Variants in DGKI observed in about 807,000 individuals in gnomAD.
The protein encoded by DGKI is diacylglycerol kinase iota, also known as DAG kinase iota.
DGKI carries 55 observed loss-of-function variants against 147.5 expected under a neutral mutation model. The observed-to-expected ratio is 0.37, with a 90% CI of 0.30 to 0.47. The LOEUF (loss-of-function observed/expected upper bound fraction) is 0.47. Among genes scored for constraint, DGKI ranks in the 20% least tolerant of loss-of-function variants. DGKI has a pLI of 1.00. For synonymous variants in DGKI, 469 were observed against 477.1 expected (o/e 0.98, Z 0.22); for missense variants, 1,007 against 1,323.8 (o/e 0.76, Z 3.71).
chr7:137,735,540 C>T (rs1012788738), intron 1 of DGKI, among the ~76,000 whole-genome samples: 5 of 135,802 alleles, frequency 3.7e-5, no homozygotes, highest in East Asian at 4.2e-4. Flanking sequence ...ATGAGGTAGA[C>T]GGGTTTTTTC....
At chr7:137,460,452 G>A (rs184080360) in intron 27 of DGKI, among the ~76,000 whole-genome samples, 2 of 152,300 alleles carry the variant, frequency 1.3e-5, no homozygotes, top group African/African-American at 4.8e-5. Context: ...ACAATGCTGA[G>A]TGAAATGGCA....
At chr7:137,785,462 G>A (rs866666300) in intron 1 of DGKI, among the ~76,000 whole-genome samples, 2 of 151,732 alleles carry the variant, frequency 1.3e-5, no homozygotes, top group Non-Finnish European at 2.9e-5. Flanking sequence ...AACAAGCAGC[G>A]TGATTGAAAT....
chr7:137,768,206 C>A (rs1236194044), intron 1 of DGKI, among the ~76,000 whole-genome samples: 1 of 152,012 alleles, frequency 6.6e-6, no homozygotes, highest in African/African-American at 2.4e-5. Flanking sequence ...CTTGGCAAAA[C>A]CAAAATTACT....
At chr7:137,404,807 T>C (rs1055922339) in intron 30 of DGKI, among the ~76,000 whole-genome samples, 1 of 140,176 alleles carries the variant, frequency 7.1e-6, no homozygotes, top group Admixed American at 7.4e-5. Flanking sequence ...GTCCTTCCAT[T>C]TGGGCGGAGT....
intron 1 of DGKI, among the ~76,000 whole-genome samples, chr7:137,751,357 G>A (rs539508221): frequency 6.6e-6 from 1 of 152,236 alleles, no homozygotes; most frequent in Non-Finnish European, 1.5e-5. Flanking sequence ...TCCTCCTATT[G>A]GGCAGTTAAC....
chr7:137,609,135 T>C (rs1585281883), intron 9 of DGKI, 71 bp from the exon 10 acceptor site: 2 of 1,184,942 alleles, frequency 1.7e-6, no homozygotes, highest in Non-Finnish European at 2.5e-6. Flanking sequence ...GCAAGGGAGG[T>C]GGAAAACCAC....
intron 10 of DGKI, 148 bp downstream of exon 10, chr7:137,608,818 C>T: frequency 1.5e-6 from 1 of 647,672 alleles, no homozygotes; most frequent in South Asian, 2.0e-5. Flanking sequence ...ATGTGTAAAG[C>T]TATCAGAGAA....
At chr7:137,771,176 C>T (rs570923657) in intron 1 of DGKI, among the ~76,000 whole-genome samples, 2 of 152,234 alleles carry the variant, frequency 1.3e-5, no homozygotes, top group African/African-American at 4.8e-5. Context: ...CTGCAACCTC[C>T]ACCTCCCGGG....
At chr7:137,636,746 G>C (rs1214309429) in intron 6 of DGKI, among the ~76,000 whole-genome samples, 4 of 152,194 alleles carry the variant, frequency 2.6e-5, no homozygotes, top group Admixed American at 2.6e-4. Flanking sequence ...GGTGATGGAG[G>C]CAGATCCCCT....
At chr7:137,467,991 GAAAA>G (rs58319577) in intron 24 of DGKI, among the ~76,000 whole-genome samples, 5 of 84,718 alleles carry the variant, frequency 5.9e-5, no homozygotes, top group Non-Finnish European at 2.6e-5. Context: ...TCTCAAAAAA[GAAAA>G]AAAAAAAAAA....
chr7:137,476,071 G>A (rs566414161), intron 23 of DGKI, among the ~76,000 whole-genome samples: 2 of 152,114 alleles, frequency 1.3e-5, no homozygotes, highest in South Asian at 2.1e-4. Flanking sequence ...GCTGACGTAC[G>A]GCCAAGAAGT....
At chr7:137,663,188 A>G (rs1244397974) in intron 3 of DGKI, among the ~76,000 whole-genome samples, 7 of 152,214 alleles carry the variant, frequency 4.6e-5, no homozygotes. Flanking sequence ...TGAGTGCTGT[A>G]CAGGATATAA....
chr7:137,699,991 A>T (rs998898190), intron 1 of DGKI, among the ~76,000 whole-genome samples: 1 of 152,240 alleles, frequency 6.6e-6, no homozygotes, highest in Non-Finnish European at 1.5e-5. Context: ...CATTCAAAGT[A>T]GTTAAAATTA....
At chr7:137,615,225 A>T (rs1820488556) in intron 8 of DGKI, among the ~76,000 whole-genome samples, 1 of 151,868 alleles carries the variant, frequency 6.6e-6, no homozygotes, top group Non-Finnish European at 1.5e-5. Flanking sequence ...CAAAAAGCAA[A>T]CCTTCCGAGA....
chr7:137,720,537 T>C (rs879007453), intron 1 of DGKI, among the ~76,000 whole-genome samples: 12 of 152,174 alleles, frequency 7.9e-5, no homozygotes, highest in South Asian at 6.2e-4. Flanking sequence ...GGATTACAGG[T>C]GTGAGCCACC....
At chr7:137,653,457 G>A (rs974618523) in intron 5 of DGKI, among the ~76,000 whole-genome samples, 2 of 152,140 alleles carry the variant, frequency 1.3e-5, no homozygotes, top group Non-Finnish European at 2.9e-5. Flanking sequence ...TTGCAGCATG[G>A]CTTACAAGGA....
chr7:137,618,086 G>T (rs1183453555), intron 8 of DGKI, among the ~76,000 whole-genome samples: 1 of 105,854 alleles, frequency 9.4e-6, no homozygotes, highest in Non-Finnish European at 1.9e-5. Context: ...ATACCACTAG[G>T]CTATTTTACA....
chr7:137,745,048 G>A (rs1020965770), intron 1 of DGKI, among the ~76,000 whole-genome samples: 11 of 151,992 alleles, frequency 7.2e-5, no homozygotes, highest in African/African-American at 2.7e-4. Context: ...TCAGCATCAC[G>A]CAATATACCC....
At chr7:137,618,153 T>TATATATATA (rs1563114668) in intron 8 of DGKI, among the ~76,000 whole-genome samples, 13 of 9,624 alleles carry the variant, frequency 1.4e-3, no homozygotes, top group South Asian at 8.2e-3. Flanking sequence ...ATATATATAT[T>TATATATATA]TTTTTTTTTT....
Sources: allele counts gnomAD v4.1 joint callset (sites outside exome capture counted in the v4.1 genomes callset), GRCh38; gene constraint gnomAD v4.1.1; transcripts MANE v1.5; gene names NCBI Gene and HGNC (gene_info 2026-07-23, HGNC 2026-07-21).